MSI1: variants seen among roughly 807,000 people sequenced by gnomAD.
MSI1 encodes musashi RNA binding protein 1.
In MSI1, 15 loss-of-function variants were observed where a neutral mutation model predicts 54.4. The ratio of observed to expected loss-of-function variants is 0.28; its 90% CI spans 0.18 to 0.42. The LOEUF (loss-of-function observed/expected upper bound fraction) is 0.42, where lower values mean the gene tolerates loss of function less well. MSI1 is among the 20% of genes least tolerant of loss of function. MSI1 has a pLI of 1.00. For synonymous variants in MSI1, 200 were observed against 196.5 expected, an observed-to-expected ratio of 1.02 and a Z score of -0.15; for missense variants, 304 against 506.0, an observed-to-expected ratio of 0.60 and a Z score of 3.83.
chr12:120,364,650 G>A, intron 5 of MSI1, 64 bp downstream of exon 5: 1 of 1,456,860 alleles, frequency 6.9e-7, no homozygotes. Flanking sequence ...AGGAAATACT[G>A]GGAAAATCAC....
In MSI1 at chr12:120,357,825, G is replaced by A; in HGVS notation, c.525C>T (p.Asn175=). Reference sequence around the variant, plus strand: ...CCCGGACCCAACTCACCATTTTGTTGTTGATTTCATGAAAATGAATTTCAC... The same window carrying A: ...CCCGGACCCAACTCACCATTTTGTTATTGATTTCATGAAAATGAATTTCAC... ...KVCEIHFHEI[N]NKMVECKKAQ... is the part of the protein sequence containing the mutation. The change falls in exon 8 of 15, where the codon AAC becomes AAT. Residue 175 remains asparagine (N), a synonymous_variant. Transcript: ENST00000257552. 1.2e-6 allele frequency: 2 copies of A among 1,614,054 alleles called. No homozygotes were observed. Among genetic ancestry groups the A allele is most frequent in the Non-Finnish European group, 1.7e-6 (2 of 1,179,994 alleles).
In MSI1 at chr12:120,364,740, C is replaced by T. The variant is rs1402399207; in HGVS notation, c.283G>A (p.Ala95Thr). ...LDSKTIDPKV[A>T]FPRRAQPKMV... Reference sequence around the variant, plus strand: ...TTGGGCTGTGCTCGCCGAGGGAAGGCCACCTTAGGGTCAATCTACAAGAAA... The same window carrying T: ...TTGGGCTGTGCTCGCCGAGGGAAGGTCACCTTAGGGTCAATCTACAAGAAA... The change falls in exon 5 of 15, where the codon GCC becomes ACC. Residue 95 changes from alanine (A) to threonine (T), a missense_variant. Around this residue, in one of 4 missense-constraint regions of MSI1, gnomAD observed 105 missense variants for 230.1 expected, o/e 0.46. Coordinates refer to ENST00000257552, the MANE Select transcript of MSI1 (RefSeq NM_002442.4). 1 of 1,600,416 alleles carries T rather than the reference C, an allele frequency of 6.2e-7. No individual in the cohort carries two copies. Among genetic ancestry groups the T allele is most frequent in the Non-Finnish European group, 8.5e-7 (1 of 1,173,610 alleles).
intron 5 of MSI1, among the ~76,000 whole-genome samples, chr12:120,364,491 A>G (rs1875897121): frequency 6.6e-6 from 1 of 152,022 alleles, no homozygotes; most frequent in African/African-American, 2.4e-5. Flanking sequence ...CAACACACAC[A>G]AGCCCCTCTC....
At chr12:120,346,378 C>T in intron 12 of MSI1, 56 bp from the exon 13 acceptor site, 2 of 1,446,264 alleles carry the variant, frequency 1.4e-6, no homozygotes, top group Non-Finnish European at 1.8e-6. Context: ...CACCCCACGG[C>T]ACCCCCTCAA....
intron 11 of MSI1, among the ~76,000 whole-genome samples, chr12:120,350,330 A>T (rs893658182): frequency 6.6e-6 from 1 of 152,124 alleles, no homozygotes; most frequent in African/African-American, 2.4e-5. Context: ...CCCAGCACAC[A>T]CAGTTCTTAA....
chr12:120,355,586 A>G (rs1406702409), intron 9 of MSI1, among the ~76,000 whole-genome samples: 5 of 152,182 alleles, frequency 3.3e-5, no homozygotes, highest in Non-Finnish European at 7.3e-5. Context: ...CTGTGTGTCT[A>G]TACATGTGTA....
downstream of MSI1, chr12:120,341,211 A>G (rs552295338): frequency 1.7e-4 from 26 of 152,566 alleles, no homozygotes; most frequent in African/African-American, 6.0e-4. Context: ...TCTTGTGTCA[A>G]TTTAATTCTT....
intron 9 of MSI1, 59 bp from the exon 10 acceptor site, chr12:120,353,438 G>T: frequency 6.7e-7 from 1 of 1,500,026 alleles, no homozygotes; most frequent in South Asian, 1.1e-5. Context: ...CCTGATCATG[G>T]AGAAGGACCT....
Position 120,368,224 on chromosome 12 carries a change from C to T in MSI1, c.150G>A (p.Leu50=), listed in dbSNP as rs1876141674. 1 of 1,590,066 alleles carries T rather than the reference C, an allele frequency of 6.3e-7. No homozygotes were observed. Among genetic ancestry groups the T allele is most frequent in the Non-Finnish European group, 8.6e-7 (1 of 1,167,772 alleles). ...FGQFGEVKEC[L]VMRDPLTKRS... is the part of the protein sequence containing the mutation. ...TCTTGGTCAGGGGGTCCCGCATCACCAGACACTCCTTCACCTCCCCGAACT... is the reference window on the plus strand; with the variant it reads ...TCTTGGTCAGGGGGTCCCGCATCACTAGACACTCCTTCACCTCCCCGAACT... The change falls in exon 3 of 15, where the codon CTG becomes CTA. Residue 50 remains leucine, a synonymous_variant. Coordinates refer to ENST00000257552, the MANE Select transcript of MSI1 (RefSeq NM_002442.4). This position sits in a 1 kb window ranked among gnomAD's most constrained non-coding sequence, Gnocchi z 6.6.
intron 9 of MSI1, among the ~76,000 whole-genome samples, chr12:120,354,483 G>A (rs915445871): frequency 6.6e-6 from 1 of 151,728 alleles, no homozygotes; most frequent in East Asian, 1.9e-4. Flanking sequence ...CCAGGCTGGA[G>A]TGCAATGGCA....
chr12:120,345,471 G>A, intron 14 of MSI1, 99 bp downstream of exon 14: 1 of 1,064,622 alleles, frequency 9.4e-7, no homozygotes, highest in South Asian at 1.3e-5. Flanking sequence ...TGGGACTGTG[G>A]TTCTTGAGGG....
chr12:120,349,904 G>A (rs1294610854), intron 11 of MSI1, among the ~76,000 whole-genome samples: 2 of 152,204 alleles, frequency 1.3e-5, no homozygotes, highest in Admixed American at 6.5e-5. Flanking sequence ...TTACCACACT[G>A]TAAAGAATGA....
At position 120,356,895 on chromosome 12, in the gene MSI1, C is replaced by T. The variant is rs377613546; in HGVS notation, c.652+7G>A. 1.8e-5 allele frequency: 29 copies of T among 1,612,262 alleles called. No homozygotes were observed. The highest frequency in any genetic ancestry group is 1.8e-4 in the East Asian group (8 of 44,902). On this transcript the variant is annotated splice_region_variant and intron_variant, in intron 9 of 14. Coordinates refer to ENST00000257552, the MANE Select transcript of MSI1 (RefSeq NM_002442.4). ...GAAAGAAGCCGCAGGCGCAGGCTCG[C>T]GCATACCCAGCATGCCGATGCCCAG...
At chr12:120,361,233 A>C (rs1288687720) in intron 6 of MSI1, among the ~76,000 whole-genome samples, 1 of 151,334 alleles carries the variant, frequency 6.6e-6, no homozygotes, top group Non-Finnish European at 1.5e-5. Context: ...GAATGAATGA[A>C]TGAATGAACG....
chr12:120,348,452 C>T (rs2136911377), intron 11 of MSI1, among the ~76,000 whole-genome samples: 1 of 152,270 alleles, frequency 6.6e-6, no homozygotes, highest in Non-Finnish European at 1.5e-5. Context: ...AGAAGCTTTC[C>T]CTGAATACCC....
intron 6 of MSI1, 35 bp from the exon 7 acceptor site, chr12:120,359,088 T>C (rs370294099): frequency 1.9e-5 from 29 of 1,551,828 alleles, no homozygotes; most frequent in Non-Finnish European, 2.4e-5. Flanking sequence ...ACCCAGCAGA[T>C]ACCAGCGGAA....
At chr12:120,347,337 T>G (rs1874215383) in intron 12 of MSI1, 109 bp downstream of exon 12, 1 of 1,275,324 alleles carries the variant, frequency 7.8e-7, no homozygotes, top group Middle Eastern at 1.9e-4. Context: ...CTTGAGTGAA[T>G]GAACAAGTGT....
chr12:120,347,898 C>T (rs898178791), intron 11 of MSI1, among the ~76,000 whole-genome samples: 1 of 152,186 alleles, frequency 6.6e-6, no homozygotes, highest in Non-Finnish European at 1.5e-5. Flanking sequence ...GATCACTTGG[C>T]CCAGAGGTGC....
chr12:120,345,756 C>CCCA lies in MSI1; in HGVS notation c.1048-125_1048-124insTGG. 4.2e-6 allele frequency: 5 copies of CCCA among 1,203,706 alleles called. No homozygotes were observed. In the Admixed American group the frequency reaches 7.0e-5, roughly 17 times the overall value. 74.6% of individuals were successfully genotyped at this position (1,203,706 alleles called of 1,614,324 possible). ...TCTCTCTACCTGTCCGGATCGCCCC[C>CCCA]CTACTGCAGGTCTGCCTACCCGGAT... On this transcript the variant is annotated intron_variant, in intron 13 of 14. Coordinates refer to ENST00000257552, the MANE Select transcript of MSI1 (RefSeq NM_002442.4).
Sources: allele counts gnomAD v4.1 joint callset (sites outside exome capture counted in the v4.1 genomes callset), GRCh38; gene constraint gnomAD v4.1.1; regional missense constraint gnomAD v4.1.1; non-coding constraint Gnocchi (gnomAD v3.1); transcripts MANE v1.5; gene names NCBI Gene and HGNC (gene_info 2026-07-23, HGNC 2026-07-21).